SH2D4A: variants seen among roughly 807,000 people sequenced by gnomAD.
SH2D4A encodes the protein SH2 domain containing 4A.
In SH2D4A, 70 loss-of-function variants were observed where a neutral mutation model predicts 64.7. The ratio of observed to expected loss-of-function variants is 1.08; its 90% confidence interval spans 0.89 to 1.32. SH2D4A has a LOEUF of 1.32. Among genes scored for constraint, SH2D4A ranks in the 40% most tolerant of loss-of-function variants. The pLI is 0.00. For missense variants in SH2D4A, 706 were observed against 540.1 expected, an observed-to-expected ratio of 1.31 and a Z score of -3.04; for synonymous variants, 268 against 200.7, an observed-to-expected ratio of 1.34 and a Z score of -2.83.
intron 7 of SH2D4A, among the ~76,000 whole-genome samples, chr8:19,371,279 C>T (rs1238655919): frequency 6.6e-6 from 1 of 152,020 alleles, no homozygotes. Flanking sequence ...ATTCCCTCAG[C>T]TTTTGTTTGT....
At chr8:19,387,805 C>T (rs369321052) in intron 8 of SH2D4A, among the ~76,000 whole-genome samples, 2 of 152,140 alleles carry the variant, frequency 1.3e-5, no homozygotes, top group South Asian at 2.1e-4. Context: ...GTTGTTCCTG[C>T]CTCAATATGT....
intron 1 of SH2D4A, among the ~76,000 whole-genome samples, chr8:19,318,851 C>T (rs1419530156): frequency 6.6e-6 from 1 of 152,104 alleles, no homozygotes; most frequent in African/African-American, 2.4e-5. Flanking sequence ...GTTTTTATTT[C>T]TTCCTTTTTC....
intron 7 of SH2D4A, among the ~76,000 whole-genome samples, chr8:19,370,585 A>G (rs1359656157): frequency 6.6e-6 from 1 of 152,048 alleles, no homozygotes; most frequent in African/African-American, 2.4e-5. Flanking sequence ...TTTGCATACA[A>G]TGTTTTTTCC....
At chr8:19,335,282 C>G (rs554604645) in intron 4 of SH2D4A, among the ~76,000 whole-genome samples, 1 of 151,572 alleles carries the variant, frequency 6.6e-6, no homozygotes, top group Non-Finnish European at 1.5e-5. Context: ...GGCGACAGAG[C>G]GAGACTCCAT....
chr8:19,336,617 G>A (rs561919334), intron 4 of SH2D4A, among the ~76,000 whole-genome samples: 4 of 152,248 alleles, frequency 2.6e-5, no homozygotes, highest in East Asian at 3.9e-4. Flanking sequence ...TTTGGAGGCC[G>A]AGGCAGGAGG....
At chr8:19,386,116 C>T (rs1377611277) in intron 8 of SH2D4A, among the ~76,000 whole-genome samples, 1 of 152,166 alleles carries the variant, frequency 6.6e-6, no homozygotes, top group Non-Finnish European at 1.5e-5. Flanking sequence ...AGCTGGAAGT[C>T]CATTCCCAGG....
intron 2 of SH2D4A, among the ~76,000 whole-genome samples, chr8:19,320,893 G>A (rs768218569): frequency 1.3e-5 from 2 of 152,180 alleles, no homozygotes; most frequent in Non-Finnish European, 1.5e-5. Context: ...TGGTTTCAAA[G>A]ATTGAGAAAA....
chr8:19,362,968 T>G (rs1450936072), intron 6 of SH2D4A, among the ~76,000 whole-genome samples: 1 of 152,154 alleles, frequency 6.6e-6, no homozygotes, highest in African/African-American at 2.4e-5. Context: ...CAGAGCAACT[T>G]CCAGTCCTGC....
intron 3 of SH2D4A, 41 bp downstream of exon 3, chr8:19,333,155 C>T (rs774545506): frequency 1.3e-6 from 2 of 1,570,616 alleles, no homozygotes; most frequent in East Asian, 4.5e-5. Flanking sequence ...AAAGACTCTC[C>T]AGACTTTAGA....
At chr8:19,366,937 A>G (rs999898916) in intron 7 of SH2D4A, among the ~76,000 whole-genome samples, 3 of 152,128 alleles carry the variant, frequency 2.0e-5, no homozygotes, top group Non-Finnish European at 4.4e-5. Context: ...TATTCTTTTT[A>G]TGGATCTTTT....
In SH2D4A at chr8:19,319,430, T is replaced by C. The variant is rs2052146451; in HGVS notation, c.-118T>C. ...AATTATTGTCCCAGTCAGCCAGGAT[T>C]GTGAGCTGTTTGGGAAGTTTCGTGG... On this transcript the variant is annotated 5_prime_UTR_variant, in exon 2 of 10. Transcript: ENST00000265807. The C allele has an allele frequency of 1.5e-6, 2 of 1,327,220 alleles. No homozygotes were observed. Among genetic ancestry groups the C allele is most frequent in the East Asian group, 3.0e-5 (1 of 33,520 alleles). The allele number at this position is 1,327,220 out of a possible 1,614,324, so 82.2% of individuals were successfully genotyped here.
At chr8:19,373,100 A>G (rs564755387) in intron 7 of SH2D4A, among the ~76,000 whole-genome samples, 2 of 152,278 alleles carry the variant, frequency 1.3e-5, no homozygotes, top group South Asian at 4.1e-4. Flanking sequence ...TATAATTCCT[A>G]TACAAATGAA....
At chr8:19,384,784 C>T (rs1418602589) in intron 8 of SH2D4A, among the ~76,000 whole-genome samples, 4 of 152,168 alleles carry the variant, frequency 2.6e-5, no homozygotes, top group Non-Finnish European at 5.9e-5. Flanking sequence ...AAGTTCTGTC[C>T]AGAAACCCAC....
intron 8 of SH2D4A, among the ~76,000 whole-genome samples, chr8:19,381,328 G>A: frequency 6.6e-6 from 1 of 152,202 alleles, no homozygotes; most frequent in Non-Finnish European, 1.5e-5. Context: ...GGGATTACAA[G>A]CATGAGCCAC....
chr8:19,320,064 C>A (rs891352225), intron 2 of SH2D4A, among the ~76,000 whole-genome samples: 3 of 152,192 alleles, frequency 2.0e-5, no homozygotes, highest in African/African-American at 7.2e-5. Context: ...TAATATGCTA[C>A]TACTAGAACA....
intron 5 of SH2D4A, 70 bp downstream of exon 5, chr8:19,357,353 G>A: frequency 2.7e-6 from 3 of 1,094,122 alleles, no homozygotes; most frequent in Non-Finnish European, 4.2e-6. Flanking sequence ...TCACAGATTA[G>A]TTAATTAATC....
chr8:19,393,640 C>T (rs1188161089), intron 9 of SH2D4A, 99 bp downstream of exon 9: 1 of 1,182,706 alleles, frequency 8.5e-7, no homozygotes, highest in Non-Finnish European at 1.2e-6. Context: ...GAGACAAGTA[C>T]TGGGGAGGGG....
chr8:19,316,001 G>A (rs773364456), intron 1 of SH2D4A, among the ~76,000 whole-genome samples: 4 of 152,156 alleles, frequency 2.6e-5, no homozygotes, highest in Admixed American at 6.6e-5. Flanking sequence ...CACTAGAGGC[G>A]GAGCTGGGAG....
At chr8:19,352,737 C>T (rs775729289) in intron 4 of SH2D4A, among the ~76,000 whole-genome samples, 12 of 152,026 alleles carry the variant, frequency 7.9e-5, no homozygotes, top group East Asian at 1.9e-4. Context: ...CCAGGTGTGG[C>T]GGCTCACACC....
Sources: gnomAD v4.1 joint callset for allele counts (sites outside exome capture counted in the v4.1 genomes callset) on GRCh38, gnomAD v4.1.1 for gene constraint, MANE v1.5 for transcripts, NCBI Gene and HGNC (gene_info 2026-07-23, HGNC 2026-07-21) for gene names.